The following RNF169 variants were observed in gnomAD, a reference collection of about 807,000 sequenced individuals.
The protein encoded by RNF169 is ring finger protein 169.
Under a neutral mutation model 53.9 loss-of-function variants are expected in RNF169, and 24 were observed. The observed-to-expected ratio is 0.45, with a 90% CI of 0.32 to 0.63. The LOEUF (loss-of-function observed/expected upper bound fraction) is 0.63. Among genes scored for constraint, RNF169 ranks in the 20% least tolerant of loss-of-function variants. RNF169 has a pLI of 0.04. For missense variants in RNF169, 883 were observed against 906.2 expected, an observed-to-expected ratio of 0.97 and a Z score of 0.33; for synonymous variants, 396 against 363.5, an observed-to-expected ratio of 1.09 and a Z score of -1.02.
chr11:74,786,311 C>T (rs1234603040), intron 1 of RNF169, among the ~76,000 whole-genome samples: 3 of 150,092 alleles, frequency 2.0e-5, no homozygotes, highest in Non-Finnish European at 3.0e-5. Context: ...TGGCTCAGTA[C>T]AGCCTCAAAC....
At chr11:74,831,573 C>T (rs564981458) in intron 4 of RNF169, 9 of 151,882 alleles carry the variant, frequency 5.9e-5, no homozygotes, top group Non-Finnish European at 8.8e-5. Flanking sequence ...CTCTTGAAGT[C>T]GTTTTACAGA....
At position 74,836,311 on chromosome 11, in the gene RNF169, A is replaced by G; in HGVS notation, c.1708A>G (p.Ile570Val). ...DKTCISRAMKITTVNSVLPQN... is the reference protein window; with the variant it reads ...DKTCISRAMKVTTVNSVLPQN... The stretch of plus-strand genomic sequence containing the variant: ...AACCTGTATAAGCAGAGCCATGAAA[A>G]TCACCACAGTTAATTCAGTGCTACC... Residue 570 changes from isoleucine to valine, a missense_variant, in exon 6 of 6, where the codon ATC becomes GTC. By Grantham distance (29) the Ile-to-Val change is conservative. This residue lies in a region of RNF169 where 351 missense variants were observed against 337.3 expected (regional missense o/e 1.04). Coordinates refer to ENST00000299563, the MANE Select transcript of RNF169 (RefSeq NM_001098638.2). 1 of 1,614,190 alleles carries G rather than the reference A, an allele frequency of 6.2e-7. No homozygotes were observed. The highest frequency in any genetic ancestry group is 8.5e-7 in the Non-Finnish European group (1 of 1,180,030).
rs2035168531 is a variant in RNF169 at position 74,765,976 on chromosome 11, A to G, written c.502+16594A>G. ...AAAAGAATTAGCAAGGCCAAAATCT[A>G]ATTCATTGAAAAGATTAAGATCTAT... On this transcript the variant is annotated intron_variant, in intron 1 of 5. Transcript: ENST00000299563. Among the ~76,000 whole-genome samples, 4 of 152,152 alleles carry G rather than the reference A, an allele frequency of 2.6e-5. 1 individual carries two copies. In the South Asian group the frequency reaches 8.3e-4, roughly 32 times the overall value.
At chr11:74,787,728 CAG>C (rs1200921491) in intron 1 of RNF169, among the ~76,000 whole-genome samples, 3 of 152,172 alleles carry the variant, frequency 2.0e-5, no homozygotes, top group African/African-American at 7.2e-5. Context: ...GGCTTCATGA[CAG>C]AGGGGCAATT....
At position 74,840,762 on chromosome 11, in the gene RNF169, A is replaced by T. The variant is rs1158125946; in HGVS notation, c.*4032A>T. The T allele has an allele frequency of 2.6e-5, 4 of 151,344 alleles. No individual in the cohort carries two copies. Among genetic ancestry groups the T allele is most frequent in the South Asian group, 2.1e-4 (1 of 4,794 alleles). The allele number at this position is 151,344 out of a possible 1,614,324, so 9.4% of individuals were successfully genotyped here. ...TGGGCATGGAAATCATCCAAGTTAA[A>T]CTTCTTCTCTGCCCCCCGCCCCCAC... is the stretch of plus-strand genomic sequence containing the variant. On this transcript the variant is annotated 3_prime_UTR_variant, in exon 6 of 6. Transcript: ENST00000299563.
chr11:74,810,150 A>C (rs374602878), intron 2 of RNF169, 34 bp from the exon 3 acceptor site: 34 of 1,577,118 alleles, frequency 2.2e-5, no homozygotes, highest in Non-Finnish European at 2.9e-5. Context: ...AGAGTTGCCT[A>C]AAACTACTGT....
At chr11:74,804,260 C>T (rs1208975475) in intron 2 of RNF169, among the ~76,000 whole-genome samples, 1 of 152,092 alleles carries the variant, frequency 6.6e-6, no homozygotes. Context: ...CATCTTATGC[C>T]CGGAGCTGCT....
intron 4 of RNF169, among the ~76,000 whole-genome samples, chr11:74,826,245 G>A (rs1466335336): frequency 1.3e-5 from 2 of 152,192 alleles, no homozygotes; most frequent in Non-Finnish European, 2.9e-5. Flanking sequence ...AGAATCGCTT[G>A]AACCTGGGAG....
rs1324996586 is a variant in RNF169 at position 74,748,957 on chromosome 11, G to C, written c.77G>C (p.Gly26Ala). ...GCTCTGAGTCGGCGGGGCCGGCGGG[G>C]CCGCTGTGACGAGACGGCGGCAGCT... is the stretch of plus-strand genomic sequence containing the variant. ...AAALSRRGRR[G>A]RCDETAAAKT... The change falls in exon 1 of 6, where the codon GGC becomes GCC. Residue 26 changes from glycine to alanine, a missense_variant. By Grantham distance (60) the Gly-to-Ala change is moderately conservative. Around this residue, in one of 3 missense-constraint regions of RNF169, gnomAD observed 313 missense variants for 279.9 expected, o/e 1.12. Coordinates refer to ENST00000299563, the MANE Select transcript of RNF169 (RefSeq NM_001098638.2). 4.8e-6 allele frequency: 7 copies of C among 1,470,490 alleles called. No individual in the cohort carries two copies. Among genetic ancestry groups the C allele is most frequent in the African/African-American group, 4.4e-5 (3 of 68,776 alleles). 91.1% of individuals were successfully genotyped at this position (1,470,490 alleles called of 1,614,324 possible). A position where few individuals can be genotyped will look rare whatever the true frequency, so the allele number is the denominator to read the frequency against.
chr11:74,793,247 G>A (rs2035603939), intron 2 of RNF169, among the ~76,000 whole-genome samples: 1 of 152,162 alleles, frequency 6.6e-6, no homozygotes, highest in South Asian at 2.1e-4. Context: ...AGCAGTAAAT[G>A]GGAATGAAGG....
In RNF169 at chr11:74,823,268, C is replaced by T. The variant is rs150203778; in HGVS notation, c.842+5554C>T. On this transcript the variant is annotated intron_variant, in intron 4 of 5. Transcript: ENST00000299563. Reference sequence around the variant, plus strand: ...TGCTTTATAATTTAAATATATCTCACTATTTCTTAAAAGATACTTTGCCTG... The same window carrying T: ...TGCTTTATAATTTAAATATATCTCATTATTTCTTAAAAGATACTTTGCCTG... 6.0e-3 allele frequency among the ~76,000 whole-genome samples: 908 copies of T among 152,200 alleles called. 4 individuals carry two copies. The highest frequency in any genetic ancestry group is 9.9e-3 in the Non-Finnish European group (671 of 68,016).
At chr11:74,749,444 T>G in intron 1 of RNF169, 62 bp downstream of exon 1, 1 of 1,193,800 alleles carries the variant, frequency 8.4e-7, no homozygotes, top group Non-Finnish European at 1.0e-6. Flanking sequence ...CGGCCCGGCC[T>G]GGTGAGGGGG....
intron 1 of RNF169, among the ~76,000 whole-genome samples, chr11:74,758,319 C>T (rs1345481234): frequency 3.3e-4 from 48 of 146,022 alleles, no homozygotes; most frequent in African/African-American, 1.1e-3. Flanking sequence ...TGGTATGCGG[C>T]GTTATTTCTG....
intron 2 of RNF169, among the ~76,000 whole-genome samples, chr11:74,799,578 A>G (rs1788291262): frequency 6.6e-6 from 1 of 152,194 alleles, no homozygotes; most frequent in Non-Finnish European, 1.5e-5. Context: ...CTATATTAGT[A>G]TAATTATTTT....
chr11:74,764,708 C>T (rs117947273), intron 1 of RNF169, among the ~76,000 whole-genome samples: 311 of 152,138 alleles, frequency 2.0e-3, no homozygotes, highest in Middle Eastern at 3.4e-3. Context: ...GTAGACTAAG[C>T]CAGTGTTGAC....
intron 2 of RNF169, among the ~76,000 whole-genome samples, chr11:74,794,786 T>C (rs2035623802): frequency 6.6e-6 from 1 of 152,166 alleles, no homozygotes; most frequent in Non-Finnish European, 1.5e-5. Context: ...TAAGGCTAAA[T>C]ACTTCAGAGA....
At chr11:74,809,120 T>G (rs1643011956) in intron 2 of RNF169, among the ~76,000 whole-genome samples, 2 of 152,240 alleles carry the variant, frequency 1.3e-5, no homozygotes, top group East Asian at 1.9e-4. Context: ...TTTTGTGTGT[T>G]TGTTTTGTTT....
intron 4 of RNF169, among the ~76,000 whole-genome samples, chr11:74,822,044 G>A (rs2036019917): frequency 7.1e-6 from 1 of 140,062 alleles, no homozygotes; most frequent in African/African-American, 3.0e-5. Context: ...AGAGAGAGAG[G>A]TGTGTGTGTG....
chr11:74,812,017 G>T (rs2035882501), intron 3 of RNF169, among the ~76,000 whole-genome samples: 1 of 151,868 alleles, frequency 6.6e-6, no homozygotes, highest in Non-Finnish European at 1.5e-5. Context: ...CCTTAACTAT[G>T]GTCCTTTGAT....
Sources: gnomAD v4.1 joint callset for allele counts (sites outside exome capture counted in the v4.1 genomes callset) on GRCh38, gnomAD v4.1.1 for gene constraint, gnomAD v4.1.1 regional missense constraint, MANE v1.5 for transcripts, NCBI Gene and HGNC (gene_info 2026-07-23, HGNC 2026-07-21) for gene names.